LAMA1: variants seen among roughly 807,000 people sequenced by gnomAD.
LAMA1 encodes the protein laminin subunit alpha-1.
LAMA1 carries 219 observed loss-of-function variants against 348.7 expected under a neutral mutation model. The observed-to-expected ratio is 0.63, with a 90% confidence interval of 0.56 to 0.70. The LOEUF (loss-of-function observed/expected upper bound fraction) is 0.70, where lower values mean the gene tolerates loss of function less well. Among genes scored for constraint, LAMA1 ranks in the 30% least tolerant of loss-of-function variants. The pLI is 0.00. For missense variants in LAMA1, 3,744 were observed against 3,888.0 expected, an observed-to-expected ratio of 0.96 and a Z score of 0.99; for synonymous variants, 1,487 against 1,491.0, an observed-to-expected ratio of 1.00 and a Z score of 0.06.
At chr18:7,030,306 A>G (rs886979438) in intron 16 of LAMA1, among the ~76,000 whole-genome samples, 3 of 152,202 alleles carry the variant, frequency 2.0e-5, no homozygotes, top group South Asian at 4.1e-4. Context: ...GCTGGGGGAC[A>G]TTCCACAGAA....
chr18:7,106,836 G>A (rs2058313843), intron 1 of LAMA1, among the ~76,000 whole-genome samples: 2 of 152,042 alleles, frequency 1.3e-5, no homozygotes. Flanking sequence ...TGCTGGCCAA[G>A]CAGGTGACTC....
intron 30 of LAMA1, among the ~76,000 whole-genome samples, chr18:7,000,436 C>T (rs1461569812): frequency 6.6e-6 from 1 of 152,102 alleles, no homozygotes; most frequent in African/African-American, 2.4e-5. Flanking sequence ...TTGACTGTAA[C>T]GAAAGGCGAG....
At chr18:7,024,217 C>T (rs1285869006) in intron 18 of LAMA1, among the ~76,000 whole-genome samples, 163 bp downstream of exon 18, 1 of 152,144 alleles carries the variant, frequency 6.6e-6, no homozygotes, top group Admixed American at 6.5e-5. Context: ...TAAGGTTTAA[C>T]ATTAATTTTA....
Position 6,982,548 on chromosome 18 carries a change from G to A in LAMA1, c.5839C>T (p.Arg1947Cys), listed in dbSNP as rs370249336. ...CCTTCTTTTAGAAATCTGGAGCTGC[G>A]CTGCACGGCCGCTTTCCCGTTAGAA... ...LVSNGKAAVQ[R>C]SSRFLKEGNN... Residue 1947 changes from arginine to cysteine, a missense_variant, in exon 41 of 63, where the codon CGC becomes TGC. Physicochemically the swap from Arg to Cys is radical, Grantham distance 180 (BLOSUM62 -3). This residue lies in a region of LAMA1 where 1,983 missense variants were observed against 1,934.3 expected (regional missense o/e 1.03). Coordinates refer to ENST00000389658, the MANE Select transcript of LAMA1 (RefSeq NM_005559.4). 2.5e-5 allele frequency: 40 copies of A among 1,614,124 alleles called. No individual in the cohort carries two copies. Among genetic ancestry groups the A allele is most frequent in the South Asian group, 5.5e-5 (5 of 91,078 alleles).
chr18:6,969,454 T>C (rs1293990007), intron 48 of LAMA1, among the ~76,000 whole-genome samples: 1 of 152,216 alleles, frequency 6.6e-6, no homozygotes, highest in Admixed American at 6.5e-5. Flanking sequence ...AAGGCTCCGA[T>C]GGCCTCGCAG....
At chr18:7,033,555 T>C (rs1332974414) in intron 14 of LAMA1, among the ~76,000 whole-genome samples, 1 of 152,134 alleles carries the variant, frequency 6.6e-6, no homozygotes, top group Non-Finnish European at 1.5e-5. Flanking sequence ...GAGCCATCAT[T>C]ATTCCCTGGA....
chr18:6,987,944 T>C (rs1444514308), intron 36 of LAMA1, among the ~76,000 whole-genome samples: 1 of 152,146 alleles, frequency 6.6e-6, no homozygotes, highest in African/African-American at 2.4e-5. Context: ...AAGATATCTC[T>C]CTAAGAAAAT....
In LAMA1 at chr18:7,050,758, C is replaced by T. The variant is rs1207269532; in HGVS notation, c.524G>A (p.Arg175Lys). The T allele has an allele frequency of 5.6e-6, 9 of 1,614,000 alleles. No individual in the cohort carries two copies. The highest frequency in any genetic ancestry group is 7.6e-6 in the Non-Finnish European group (9 of 1,180,034). Reference sequence around the variant, plus strand: ...GGTGCAGATCACTTCATCATCAGCCCTGTAGGTGGGTGGCCCTCGTCTTGG... The same window carrying T: ...GGTGCAGATCACTTCATCATCAGCCTTGTAGGTGGGTGGCCCTCGTCTTGG... ...ITPRRGPPTY[R>K]ADDEVICTSY... The change falls in exon 4 of 63, where the codon AGG (arginine) becomes AAG (lysine). Residue 175 changes from arginine to lysine, a missense_variant. Coordinates refer to ENST00000389658, the MANE Select transcript of LAMA1 (RefSeq NM_005559.4).
At chr18:7,050,994 T>G in intron 3 of LAMA1, 58 bp from the exon 4 acceptor site, 1 of 1,592,856 alleles carries the variant, frequency 6.3e-7, no homozygotes, top group Non-Finnish European at 8.6e-7. Flanking sequence ...AGGCACAGAA[T>G]GAGAGCTACT....
chr18:7,095,542 C>T (rs1475579986), intron 1 of LAMA1, among the ~76,000 whole-genome samples: 2 of 152,172 alleles, frequency 1.3e-5, no homozygotes, highest in African/African-American at 4.8e-5. Context: ...AGAAGGCTGG[C>T]AAGTTTAAGG....
intron 1 of LAMA1, among the ~76,000 whole-genome samples, chr18:7,108,759 A>C (rs2058324598): frequency 6.6e-6 from 1 of 152,024 alleles, no homozygotes; most frequent in Non-Finnish European, 1.5e-5. Context: ...CCAAACTTCT[A>C]GAATGAACAA....
rs768580944 is a variant in LAMA1 at position 6,964,943 on chromosome 18, T to C, written c.7196-140A>G. 46 of 1,002,856 alleles carry C rather than the reference T, an allele frequency of 4.6e-5. No homozygotes were observed. In the Middle Eastern group the frequency reaches 1.5e-3, roughly 32 times the overall value. The allele number at this position is 1,002,856 out of a possible 1,614,324, so 62.1% of individuals were successfully genotyped here. On this transcript the variant is annotated intron_variant, in intron 50 of 62. Coordinates refer to ENST00000389658, the MANE Select transcript of LAMA1 (RefSeq NM_005559.4). ...TGCGAATTTGATCAGCTAATGTTCT[T>C]GGCTATTGAAGGACAAGTGAAAATC... is the stretch of plus-strand genomic sequence containing the variant.
chr18:7,067,637 A>C (rs943253603), intron 3 of LAMA1, among the ~76,000 whole-genome samples: 1 of 152,192 alleles, frequency 6.6e-6, no homozygotes, highest in Non-Finnish European at 1.5e-5. Context: ...AACTCACCCA[A>C]CTATACACTC....
intron 62 of LAMA1, among the ~76,000 whole-genome samples, chr18:6,942,873 C>T (rs532910773): frequency 2.4e-4 from 36 of 152,148 alleles, no homozygotes; most frequent in African/African-American, 8.2e-4. Context: ...TTTCCTAAAA[C>T]GATTCCCTAG....
chr18:6,986,869 C>A (rs2057737802), intron 36 of LAMA1, among the ~76,000 whole-genome samples: 1 of 152,202 alleles, frequency 6.6e-6, no homozygotes, highest in Admixed American at 6.5e-5. Flanking sequence ...AAACGATTCT[C>A]CTGCCTCTGC....
In LAMA1 at chr18:6,943,286, G is replaced by T. The variant is rs1467286024; in HGVS notation, c.8961C>A (p.His2987Gln). The T allele has an allele frequency of 1.2e-6, 2 of 1,614,200 alleles. No homozygotes were observed. Among genetic ancestry groups the T allele is most frequent in the Non-Finnish European group, 1.7e-6 (2 of 1,180,044 alleles). ...WHTLQANKSK[H>Q]RITLIVDGNA... ...TCCCGTCAACAATCAGAGTGATACG[G>T]TGTTTGCTTTTGTTAGCTTGAAGAG... The change falls in exon 62 of 63, where the codon CAC becomes CAA. Residue 2987 changes from histidine to glutamine, a missense_variant. Transcript: ENST00000389658.
chr18:7,085,611 G>A lies in LAMA1; in HGVS notation c.62-5154C>T, dbSNP rs1343301047. 2.6e-5 allele frequency among the ~76,000 whole-genome samples: 4 copies of A among 151,522 alleles called. No homozygotes were observed. The East Asian group carries it at 5.8e-4, about 22-fold the overall frequency. ...TTTTTTGTATTTTTAGTAGAGATGGGGTTTCACCACGTTAGCCAGGATGGT... is the reference window on the plus strand; with the variant it reads ...TTTTTTGTATTTTTAGTAGAGATGGAGTTTCACCACGTTAGCCAGGATGGT... On this transcript the variant is annotated intron_variant, in intron 1 of 62. Transcript: ENST00000389658.
At chr18:6,983,852 G>C (rs141849255) in intron 39 of LAMA1, among the ~76,000 whole-genome samples, 2,833 of 152,216 alleles carry the variant, frequency 0.019, 37 homozygotes, top group Non-Finnish European at 0.029. Flanking sequence ...TCTGGCAATG[G>C]GCACATCTTT....
intron 6 of LAMA1, among the ~76,000 whole-genome samples, chr18:7,045,232 T>C (rs1180226408): frequency 2.0e-4 from 31 of 152,160 alleles, no homozygotes; most frequent in Admixed American, 2.0e-3. Context: ...AAATAAGAAG[T>C]AACTTCATGC....
Sources: gnomAD v4.1 joint callset for allele counts (sites outside exome capture counted in the v4.1 genomes callset) on GRCh38, gnomAD v4.1.1 for gene constraint, gnomAD v4.1.1 regional missense constraint, MANE v1.5 for transcripts, NCBI Gene and HGNC (gene_info 2026-07-23, HGNC 2026-07-21) for gene names.